Variants in CAPN2 observed in about 807,000 individuals in gnomAD.
CAPN2 encodes the protein calpain 2.
In CAPN2, 92 loss-of-function variants were observed where a neutral mutation model predicts 102.3. The observed-to-expected ratio is 0.90, with a 90% CI of 0.76 to 1.07. The LOEUF is 1.07. Among genes scored for constraint, CAPN2 ranks in the 50% least tolerant of loss-of-function variants. The pLI is 0.00. For missense variants in CAPN2, 800 were observed against 909.4 expected, an observed-to-expected ratio of 0.88 and a Z score of 1.55; for synonymous variants, 340 against 355.4, an observed-to-expected ratio of 0.96 and a Z score of 0.49.
chr1:223,774,436 A>C (rs752693224), intron 20 of CAPN2, among the ~76,000 whole-genome samples: 4 of 152,202 alleles, frequency 2.6e-5, no homozygotes, highest in African/African-American at 4.8e-5. Context: ...GACCAGTTGA[A>C]TCAATCTGAT....
At position 223,759,542 on chromosome 1, in the gene CAPN2, C is replaced by A; in HGVS notation, c.1529+61C>A. On this transcript the variant is annotated intron_variant, in intron 12 of 20. Coordinates refer to ENST00000295006, the MANE Select transcript of CAPN2 (RefSeq NM_001748.5). This position sits in a 1 kb window ranked among gnomAD's most constrained non-coding sequence, Gnocchi z 4.6. ...CCTGTCCCTCCCCACTGGTCTGTTC[C>A]TCGGCCCCTAGAGGGCTCTTTCATC... 1 of 1,449,998 alleles carries A rather than the reference C, an allele frequency of 6.9e-7. No homozygotes were observed. The highest frequency in any genetic ancestry group is 9.6e-7 in the Non-Finnish European group (1 of 1,040,902). 89.8% of individuals were successfully genotyped at this position (1,449,998 alleles called of 1,614,324 possible).
chr1:223,763,025 G>A (rs1661225552), intron 14 of CAPN2, among the ~76,000 whole-genome samples: 1 of 151,776 alleles, frequency 6.6e-6, no homozygotes, highest in Non-Finnish European at 1.5e-5. Flanking sequence ...GTCTCACTTT[G>A]TTGTCCAGGC....
In CAPN2 at chr1:223,751,959, T is replaced by C. The variant is rs1466419135; in HGVS notation, c.900-38T>C. On this transcript the variant is annotated intron_variant, in intron 7 of 20. Transcript: ENST00000295006. Reference sequence around the variant, plus strand: ...CTCTGGGGCCTTTGGGGAGAAATCATCGTACACTAACGCCTCTCTCTTTAC... The same window carrying C: ...CTCTGGGGCCTTTGGGGAGAAATCACCGTACACTAACGCCTCTCTCTTTAC... 8.5e-6 allele frequency: 12 copies of C among 1,405,570 alleles called. No homozygotes were observed. In the Admixed American group the frequency reaches 2.2e-4, roughly 26 times the overall value. 87.1% of individuals were successfully genotyped at this position (1,405,570 alleles called of 1,614,324 possible). A position where few individuals can be genotyped will look rare whatever the true frequency, so the allele number is the denominator to read the frequency against.
chr1:223,710,413 T>C (rs1659703574), upstream of CAPN2, among the ~76,000 whole-genome samples: 1 of 152,174 alleles, frequency 6.6e-6, no homozygotes, highest in African/African-American at 2.4e-5. Context: ...GATCATGTTT[T>C]GGGTGGAGAA....
chr1:223,716,372 T>C (rs1178546504), intron 1 of CAPN2, among the ~76,000 whole-genome samples: 2 of 152,174 alleles, frequency 1.3e-5, no homozygotes, highest in East Asian at 3.9e-4. Context: ...GCCCAATCTA[T>C]TCCATCAGCT....
At chr1:223,705,072 C>T (rs1424994835) in intron 1 of CAPN2, among the ~76,000 whole-genome samples, 2 of 152,194 alleles carry the variant, frequency 1.3e-5, no homozygotes, top group Non-Finnish European at 1.5e-5. Flanking sequence ...AGGCTTCCTG[C>T]CCCTCGGCCA....
At chr1:223,741,708 G>A (rs1038914017) in intron 2 of CAPN2, among the ~76,000 whole-genome samples, 1 of 151,982 alleles carries the variant, frequency 6.6e-6, no homozygotes, top group Non-Finnish European at 1.5e-5. Context: ...GCCCGCCTTG[G>A]CCTCCCAAAG....
chr1:223,746,473 A>ATTTTTTTTTT (rs1420617646), intron 4 of CAPN2, among the ~76,000 whole-genome samples: 3 of 105,240 alleles, frequency 2.9e-5, no homozygotes, highest in African/African-American at 2.1e-4. Context: ...TTCTACGAGA[A>ATTTTTTTTTT]TCTTTTTTTT....
At chr1:223,770,739 C>A in intron 18 of CAPN2, 1 of 400,242 alleles carries the variant, frequency 2.5e-6, no homozygotes, top group Non-Finnish European at 4.5e-6. Flanking sequence ...CTTCTTGAAT[C>A]CAAGTTTCCT....
rs115483237 is a variant in CAPN2, at chr1:223,719,760, T to A, written c.307+1929T>A. 8.3e-3 allele frequency among the ~76,000 whole-genome samples: 1,267 copies of A among 152,294 alleles called. 19 individuals are homozygous for A. Among genetic ancestry groups the A allele is most frequent in the African/African-American group, 0.029 (1,200 of 41,528 alleles). On this transcript the variant is annotated intron_variant, in intron 2 of 20. Transcript: ENST00000295006. ...TAAACCAGGTGAAATGTAAACCTTT[T>A]AAAAATTTCTTAGTAGCTAGTCTGT...
chr1:223,742,464 T>C (rs1032021597), intron 2 of CAPN2, among the ~76,000 whole-genome samples: 3 of 147,682 alleles, frequency 2.0e-5, no homozygotes, highest in Non-Finnish European at 3.0e-5. Flanking sequence ...TATATAACAA[T>C]ATTACATATA....
In CAPN2 at chr1:223,755,753, C is replaced by T. The variant is rs1405602715; in HGVS notation, c.1305+104C>T. On this transcript the variant is annotated intron_variant, in intron 10 of 20. Transcript: ENST00000295006. The surrounding 1 kb of genome is among the most constrained non-coding windows in gnomAD (Gnocchi z 4.1). Reference sequence around the variant, plus strand: ...CAGAACTGGGGATGGGATCCCAGACCGGGAGCTTGGCCAAGGAAAAACAAA... The same window carrying T: ...CAGAACTGGGGATGGGATCCCAGACTGGGAGCTTGGCCAAGGAAAAACAAA... 20 of 1,203,896 alleles carry T rather than the reference C, an allele frequency of 1.7e-5. No individual in the cohort carries two copies. The Admixed American group carries it at 3.8e-4, about 23-fold the overall frequency. The allele number at this position is 1,203,896 out of a possible 1,614,324, so 74.6% of individuals were successfully genotyped here.
chr1:223,739,902 G>A (rs1660570073), intron 2 of CAPN2, among the ~76,000 whole-genome samples: 1 of 152,200 alleles, frequency 6.6e-6, no homozygotes, highest in Non-Finnish European at 1.5e-5. Flanking sequence ...TCTCGAGCTA[G>A]CTGGCTTATT....
At chr1:223,705,550 G>A (rs868846493) in intron 1 of CAPN2, among the ~76,000 whole-genome samples, 1 of 152,178 alleles carries the variant, frequency 6.6e-6, no homozygotes, top group Non-Finnish European at 1.5e-5. Flanking sequence ...GGCTTGTCTT[G>A]TAGCTGTTTC....
chr1:223,734,407 T>A (rs1423259118), intron 2 of CAPN2, among the ~76,000 whole-genome samples: 2 of 152,110 alleles, frequency 1.3e-5, no homozygotes, highest in Admixed American at 1.3e-4. Flanking sequence ...CACCTCAGCC[T>A]CCCAGGTAGC....
chr1:223,760,866 G>T (rs772302813), intron 12 of CAPN2, among the ~76,000 whole-genome samples: 10 of 152,172 alleles, frequency 6.6e-5, no homozygotes, highest in Non-Finnish European at 1.5e-4. Context: ...TTTTCCTTCT[G>T]CCAGGCATTG....
chr1:223,761,737 C>A, intron 13 of CAPN2, 120 bp downstream of exon 13: 2 of 818,442 alleles, frequency 2.4e-6, no homozygotes, highest in South Asian at 1.7e-5. Context: ...AGGATAAAGC[C>A]GGGTACTGGG....
chr1:223,759,394 A>G lies in CAPN2; in HGVS notation c.1442A>G (p.Glu481Gly), dbSNP rs151234089. ...VLNRFKLPPG[E>G]YILVPSTFEP... ...AACCGCTTCAAGCTGCCGCCAGGAG[A>G]GTACATTCTCGTGCCTTCCACCTTC... Residue 481 changes from glutamate (E) to glycine (G), a missense_variant, in exon 12 of 21, where the codon GAG (glutamate) becomes GGG (glycine). Glu to Gly is a moderately conservative substitution (Grantham distance 98). Coordinates refer to ENST00000295006, the MANE Select transcript of CAPN2 (RefSeq NM_001748.5). The surrounding 1 kb of genome is among the most constrained non-coding windows in gnomAD (Gnocchi z 4.6). The G allele has an allele frequency of 4.2e-5, 68 of 1,614,062 alleles. No individual in the cohort carries two copies. The African/African-American group carries it at 7.9e-4, about 19-fold the overall frequency.
chr1:223,761,241 T>C (rs959614740), intron 12 of CAPN2, among the ~76,000 whole-genome samples: 1 of 152,226 alleles, frequency 6.6e-6, no homozygotes, highest in African/African-American at 2.4e-5. Flanking sequence ...GATCAAAAAC[T>C]AGCAAACAAA....
Sources: gnomAD v4.1 joint callset for allele counts (sites outside exome capture counted in the v4.1 genomes callset) on GRCh38, gnomAD v4.1.1 for gene constraint, Gnocchi (gnomAD v3.1) non-coding constraint, MANE v1.5 for transcripts, NCBI Gene and HGNC (gene_info 2026-07-23, HGNC 2026-07-21) for gene names.